Variants in FUCA2 observed in about 807,000 individuals in gnomAD.
FUCA2 encodes the protein alpha-L-fucosidase 2, also known as plasma alpha-L-fucosidase.
Under a neutral mutation model 52.6 loss-of-function variants are expected in FUCA2, and 41 were observed. The observed-to-expected ratio is 0.78, with a 90% CI of 0.61 to 1.01. The LOEUF (loss-of-function observed/expected upper bound fraction) is 1.01. Ranked by LOEUF, FUCA2 falls within the 50% of genes least tolerant of loss-of-function variation. The pLI is 0.00. For synonymous variants in FUCA2, 211 were observed against 217.3 expected, an observed-to-expected ratio of 0.97 and a Z score of 0.26; for missense variants, 507 against 569.5, an observed-to-expected ratio of 0.89 and a Z score of 1.12.
Position 143,506,138 on chromosome 6 carries a change from C to T in FUCA2, c.412+1099G>A, listed in dbSNP as rs1433114315. ...TCATTCCAGATTTTTTGTGTTGGTT[C>T]TCCTCTCCTATTCCCATCCCATCCC... On this transcript the variant is annotated intron_variant, in intron 2 of 6. Coordinates refer to ENST00000002165, the MANE Select transcript of FUCA2 (RefSeq NM_032020.5). The T allele has an allele frequency of 3.3e-5, 5 of 150,660 alleles. No individual in the cohort carries two copies. The East Asian group carries it at 9.7e-4, about 29-fold the overall frequency. The allele number at this position is 150,660 out of a possible 1,614,324, so 9.3% of individuals were successfully genotyped here. A position where few individuals can be genotyped will look rare whatever the true frequency, so the allele number is the denominator to read the frequency against.
At chr6:143,506,859 T>TCATTAAAA in intron 2 of FUCA2, 1 of 223,938 alleles carries the variant, frequency 4.5e-6, no homozygotes, top group Non-Finnish European at 8.6e-6. Flanking sequence ...TATAGCAGTA[T>TCATTAAAA]AATCCCCATG....
In FUCA2 at chr6:143,510,500, A is replaced by G. The variant is rs928393876; in HGVS notation, c.224+911T>C. ...AAAAATACAAAAAAATTGGCCAGGC[A>G]TGGTGGCGTGCGCCTGTAGTCCCAG... On this transcript the variant is annotated intron_variant, in intron 1 of 6. Transcript: ENST00000002165. This position sits in a 1 kb window ranked among gnomAD's most constrained non-coding sequence, Gnocchi z 4.4. Among the ~76,000 whole-genome samples the G allele has an allele frequency of 6.6e-6, 1 of 152,086 alleles. No homozygotes were observed. Among genetic ancestry groups the G allele is most frequent in the Non-Finnish European group, 1.5e-5 (1 of 68,018 alleles).
chr6:143,504,059 C>T lies in FUCA2; in HGVS notation c.606G>A (p.Arg202=), dbSNP rs772445567. The T allele has an allele frequency of 1.2e-6, 2 of 1,614,124 alleles. No individual in the cohort carries two copies. The highest frequency in any genetic ancestry group is 2.2e-5 in the South Asian group (2 of 91,078). The change falls in exon 3 of 7, where the codon CGG becomes CGA. Residue 202 remains arginine, a synonymous_variant. Transcript: ENST00000002165. The surrounding 1 kb of genome is among the most constrained non-coding windows in gnomAD (Gnocchi z 4.4). ...LEDESSSFHK[R]QFPVSKTLPE... is the part of the protein sequence containing the mutation. ...GCAATGTCTTAGAAACTGGAAATTG[C>T]CGCTTATGGAATGAACTGGATTCAT...
rs970205614 is a variant in FUCA2, at chr6:143,507,941, T to G, written c.225-517A>C. ...GCTTCAGTCTCCCGAAGTGTTAGGA[T>G]TACAGGCATGAGTCACCGTGTCCAG... On this transcript the variant is annotated intron_variant, in intron 1 of 6. Coordinates refer to ENST00000002165, the MANE Select transcript of FUCA2 (RefSeq NM_032020.5). The surrounding 1 kb of genome is among the most constrained non-coding windows in gnomAD (Gnocchi z 4.5). 1.3e-5 allele frequency among the ~76,000 whole-genome samples: 2 copies of G among 152,142 alleles called. No homozygotes were observed. The highest frequency in any genetic ancestry group is 1.3e-4 in the Admixed American group (2 of 15,270).
In FUCA2 at chr6:143,501,874, T is replaced by C. The variant is rs974350468; in HGVS notation, c.1154+58A>G. 2.8e-6 allele frequency: 4 copies of C among 1,442,394 alleles called. No individual in the cohort carries two copies. Among genetic ancestry groups the C allele is most frequent in the Non-Finnish European group, 2.9e-6 (3 of 1,050,206 alleles). The allele number at this position is 1,442,394 out of a possible 1,614,324, so 89.3% of individuals were successfully genotyped here. On this transcript the variant is annotated intron_variant, in intron 5 of 6. Coordinates refer to ENST00000002165, the MANE Select transcript of FUCA2 (RefSeq NM_032020.5). The surrounding 1 kb of genome is among the most constrained non-coding windows in gnomAD (Gnocchi z 6.1). The stretch of plus-strand genomic sequence containing the variant: ...TTTATCCTACTCTTCTTTATATGTC[T>C]GATAAATTTTAAATCTCTTCCTTTA...
At position 143,504,480 on chromosome 6, in the gene FUCA2, A is replaced by G. The variant is rs1326510423; in HGVS notation, c.413-228T>C. Reference sequence around the variant, plus strand: ...TTTTTAAAAGCAACTTTCAGGGTATATCACTGTACGGTCTGATCTATCTCC... The same window carrying G: ...TTTTTAAAAGCAACTTTCAGGGTATGTCACTGTACGGTCTGATCTATCTCC... On this transcript the variant is annotated intron_variant, in intron 2 of 6. Coordinates refer to ENST00000002165, the MANE Select transcript of FUCA2 (RefSeq NM_032020.5). The surrounding 1 kb of genome is among the most constrained non-coding windows in gnomAD (Gnocchi z 4.4). 1.9e-6 allele frequency: 1 copy of G among 521,354 alleles called. No individual in the cohort carries two copies. Among genetic ancestry groups the G allele is most frequent in the East Asian group, 3.3e-5 (1 of 30,316 alleles). The allele number at this position is 521,354 out of a possible 1,614,324, so 32.3% of individuals were successfully genotyped here.
At position 143,497,167 on chromosome 6, in the gene FUCA2, G is replaced by T; in HGVS notation, c.1263+222C>A. ...TTGTAGACAGGGGTCTTGCTATGTT[G>T]CCCAGGCTAGTCTCAAACTTCTGGC... On this transcript the variant is annotated intron_variant, in intron 6 of 6. Coordinates refer to ENST00000002165, the MANE Select transcript of FUCA2 (RefSeq NM_032020.5). This position sits in a 1 kb window ranked among gnomAD's most constrained non-coding sequence, Gnocchi z 5.3. 2.1e-6 allele frequency: 1 copy of T among 477,424 alleles called. No individual in the cohort carries two copies. Among genetic ancestry groups the T allele is most frequent in the South Asian group, 2.4e-5 (1 of 42,308 alleles). The allele number at this position is 477,424 out of a possible 1,614,324, so 29.6% of individuals were successfully genotyped here.
rs762778642 is a variant in FUCA2 at position 143,501,174 on chromosome 6, A to T, written c.1154+758T>A. Among the ~76,000 whole-genome samples the T allele has an allele frequency of 1.1e-4, 17 of 152,198 alleles. No individual in the cohort carries two copies. The highest frequency in any genetic ancestry group is 1.9e-4 in the Non-Finnish European group (13 of 68,044). Reference sequence around the variant, plus strand: ...TCATTATGGCTTCTCCCAGATCAACATTTTAAAATTCCACAATTATTTGCT... The same window carrying T: ...TCATTATGGCTTCTCCCAGATCAACTTTTTAAAATTCCACAATTATTTGCT... On this transcript the variant is annotated intron_variant, in intron 5 of 6. Coordinates refer to ENST00000002165, the MANE Select transcript of FUCA2 (RefSeq NM_032020.5). This position sits in a 1 kb window ranked among gnomAD's most constrained non-coding sequence, Gnocchi z 6.1.
Position 143,497,534 on chromosome 6 carries a change from G to T in FUCA2, c.1155-37C>A. 1 of 1,102,540 alleles carries T rather than the reference G, an allele frequency of 9.1e-7. No individual in the cohort carries two copies. Among genetic ancestry groups the T allele is most frequent in the Non-Finnish European group, 1.4e-6 (1 of 727,468 alleles). 68.3% of individuals were successfully genotyped at this position (1,102,540 alleles called of 1,614,324 possible). A position where few individuals can be genotyped will look rare whatever the true frequency, so the allele number is the denominator to read the frequency against. ...AAAAAAATAAAGAGCATAGTAGCAA[G>T]TTACATCCCATGTTTCTCACTATTT... On this transcript the variant is annotated intron_variant, in intron 5 of 6. Transcript: ENST00000002165. This position sits in a 1 kb window ranked among gnomAD's most constrained non-coding sequence, Gnocchi z 5.3.
At chr6:143,506,095 G>A (rs1225272456) in intron 2 of FUCA2, 1 of 151,776 alleles carries the variant, frequency 6.6e-6, no homozygotes, top group African/African-American at 2.4e-5. Flanking sequence ...TGTGGCCAAA[G>A]GGAAAAATAT....
At position 143,509,518 on chromosome 6, in the gene FUCA2, T is replaced by G. The variant is rs182077201; in HGVS notation, c.224+1893A>C. Among the ~76,000 whole-genome samples the G allele has an allele frequency of 9.2e-5, 14 of 152,332 alleles. No individual in the cohort carries two copies. In the Middle Eastern group the frequency reaches 0.01, roughly 111 times the overall value. On this transcript the variant is annotated intron_variant, in intron 1 of 6. Transcript: ENST00000002165. This position sits in a 1 kb window ranked among gnomAD's most constrained non-coding sequence, Gnocchi z 5.4. ...GTTTTATTTTGGCATAGTACTAGTC[T>G]CAGTCAAAAATGTCAAATCCTCTTT...
chr6:143,496,526 T>C (rs1780462408), intron 6 of FUCA2: 1 of 152,154 alleles, frequency 6.6e-6, no homozygotes, highest in East Asian at 1.9e-4. Context: ...ATCAACCACA[T>C]GTATTAGAAA....
intron 6 of FUCA2, chr6:143,496,364 A>T (rs1487615877): frequency 6.6e-6 from 1 of 152,350 alleles, no homozygotes; most frequent in Non-Finnish European, 1.5e-5. Context: ...TCTCAGGTGG[A>T]TCAATATGAA....
chr6:143,497,396 GC>G lies in FUCA2; in HGVS notation c.1255del (p.Ala419GlnfsTer4). On this transcript the variant is annotated frameshift_variant, in exon 6 of 7. Coordinates refer to ENST00000002165, the MANE Select transcript of FUCA2 (RefSeq NM_032020.5). LOFTEE classifies it low-confidence loss of function (END_TRUNC). The surrounding 1 kb of genome is among the most constrained non-coding windows in gnomAD (Gnocchi z 5.3). Reference sequence around the variant, plus strand: ...GGTAAAATTCCCTCTTACCTCTGTTGCCCCCAGAATAGCTTTGGGATGGCCA... The same window carrying G: ...GGTAAAATTCCCTCTTACCTCTGTTGCCCCAGAATAGCTTTGGGATGGCCA... ...FLGHPKAILGATEVKLLGHGQ... is the reference protein window; with the variant it reads ...FLGHPKAILGXTEVKLLGHGQ... 6.2e-7 allele frequency: 1 copy of G among 1,604,814 alleles called. No homozygotes were observed. The highest frequency in any genetic ancestry group is 8.5e-7 in the Non-Finnish European group (1 of 1,171,566).
chr6:143,498,440 A>G (rs1261531383), intron 5 of FUCA2, among the ~76,000 whole-genome samples: 1 of 152,220 alleles, frequency 6.6e-6, no homozygotes, highest in African/African-American at 2.4e-5. Context: ...TAAACAGAAT[A>G]GTCAGGGAAG....
At chr6:143,508,796 A>G (rs1780645509) in intron 1 of FUCA2, among the ~76,000 whole-genome samples, 1 of 152,108 alleles carries the variant, frequency 6.6e-6, no homozygotes, top group Non-Finnish European at 1.5e-5. Context: ...ACTACTCTAA[A>G]TTTCCTGTTA....
chr6:143,507,561 T>G lies in FUCA2; in HGVS notation c.225-137A>C. 1 of 638,090 alleles carries G rather than the reference T, an allele frequency of 1.6e-6. No homozygotes were observed. Among genetic ancestry groups the G allele is most frequent in the Non-Finnish European group, 2.5e-6 (1 of 392,208 alleles). 39.5% of individuals were successfully genotyped at this position (638,090 alleles called of 1,614,324 possible). ...TTTCTCACTTCCCCATTAGTTTGAC[T>G]TGGCTTTAAAGATAGCTTATGCAAA... On this transcript the variant is annotated intron_variant, in intron 1 of 6. Coordinates refer to ENST00000002165, the MANE Select transcript of FUCA2 (RefSeq NM_032020.5). This position sits in a 1 kb window ranked among gnomAD's most constrained non-coding sequence, Gnocchi z 4.5.
chr6:143,502,260 ATATT>A lies in FUCA2; in HGVS notation c.963+91_963+94del. Reference sequence around the variant, plus strand: ...CAAACACAGGATAGAACAATGTCCTATATTTATAGGCCATTGAGCCATAGAAGAA... The same window carrying A: ...CAAACACAGGATAGAACAATGTCCTATATAGGCCATTGAGCCATAGAAGAA... On this transcript the variant is annotated intron_variant, in intron 4 of 6. Coordinates refer to ENST00000002165, the MANE Select transcript of FUCA2 (RefSeq NM_032020.5). This position sits in a 1 kb window ranked among gnomAD's most constrained non-coding sequence, Gnocchi z 4.1. 7.2e-7 allele frequency: 1 copy of A among 1,385,562 alleles called. No homozygotes were observed. The highest frequency in any genetic ancestry group is 1.0e-6 in the Non-Finnish European group (1 of 1,000,850). 85.8% of individuals were successfully genotyped at this position (1,385,562 alleles called of 1,614,324 possible).
In FUCA2 at chr6:143,511,503, G is replaced by A; in HGVS notation, c.132C>T (p.Arg44=). 6.2e-7 allele frequency: 1 copy of A among 1,601,050 alleles called. No homozygotes were observed. Among genetic ancestry groups the A allele is most frequent in the Non-Finnish European group, 8.5e-7 (1 of 1,174,050 alleles). ...FDPTWESLDA[R]QLPAWFDQAK... is the part of the protein sequence containing the mutation. ...CCTGGTCAAACCACGCGGGCAGCTG[G>A]CGGGCGTCCAGGGACTCCCAGGTGG... Residue 44 remains arginine, a synonymous_variant, in exon 1 of 7, where the codon CGC becomes CGT. Transcript: ENST00000002165. The surrounding 1 kb of genome is among the most constrained non-coding windows in gnomAD (Gnocchi z 6.3).
Sources: gnomAD v4.1 joint callset for allele counts (sites outside exome capture counted in the v4.1 genomes callset) on GRCh38, gnomAD v4.1.1 for gene constraint, Gnocchi (gnomAD v3.1) non-coding constraint, MANE v1.5 for transcripts, NCBI Gene and HGNC (gene_info 2026-07-23, HGNC 2026-07-21) for gene names.